Variants in CHN1 observed in about 807,000 individuals in gnomAD.
The protein encoded by CHN1 is N-chimaerin.
A neutral mutation model predicts 59.5 loss-of-function variants in CHN1; 37 were observed. The ratio of observed to expected loss-of-function variants is 0.62; its 90% confidence interval spans 0.48 to 0.82. The LOEUF (loss-of-function observed/expected upper bound fraction) is 0.82, where lower values mean the gene tolerates loss of function less well. CHN1 is among the 40% of genes least tolerant of loss of function. The pLI is 0.00. For missense variants in CHN1, 469 were observed against 571.0 expected, an observed-to-expected ratio of 0.82 and a Z score of 1.82; for synonymous variants, 206 against 200.4, an observed-to-expected ratio of 1.03 and a Z score of -0.24.
intron 1 of CHN1, among the ~76,000 whole-genome samples, chr2:174,961,156 A>AAGGGAGGAAGGGAAGGGAGGGGGGGG (rs1690389089): frequency 8.8e-6 from 1 of 113,748 alleles, no homozygotes; most frequent in African/African-American, 3.4e-5. Context: ...GGAGGGAGGG[A>AAGGGAGGAAGGGAAGGGAGGGGGGGG]GGCAGGGAGG....
chr2:174,945,927 G>GTA (rs66901515), intron 2 of CHN1, among the ~76,000 whole-genome samples: 6,629 of 150,290 alleles, frequency 0.044, 197 homozygotes, highest in African/African-American at 0.081. Context: ...GTGTGTGTGT[G>GTA]TGTGTATATA....
At chr2:175,001,542 G>A (rs1691888682) in intron 1 of CHN1, among the ~76,000 whole-genome samples, 1 of 152,172 alleles carries the variant, frequency 6.6e-6, no homozygotes. Flanking sequence ...CAAAATTATA[G>A]CAAAATCATA....
intron 5 of CHN1, among the ~76,000 whole-genome samples, chr2:174,895,200 A>G (rs1474113064): frequency 5.2e-4 from 74 of 142,304 alleles, no homozygotes; most frequent in East Asian, 4.4e-3. Context: ...GTGTGTGTGT[A>G]TATATATATA....
At chr2:174,963,451 G>T (rs1374551366) in intron 1 of CHN1, among the ~76,000 whole-genome samples, 1 of 152,148 alleles carries the variant, frequency 6.6e-6, no homozygotes, top group Non-Finnish European at 1.5e-5. Flanking sequence ...TTAAAATAAA[G>T]GGGCTGCGAA....
intron 1 of CHN1, among the ~76,000 whole-genome samples, chr2:174,977,585 T>A (rs911038091): frequency 2.0e-5 from 3 of 152,218 alleles, no homozygotes; most frequent in African/African-American, 7.2e-5. Flanking sequence ...GATGACACAA[T>A]CGGATCATGT....
At chr2:174,879,187 C>T (rs1205948341) in intron 5 of CHN1, among the ~76,000 whole-genome samples, 3 of 152,006 alleles carry the variant, frequency 2.0e-5, no homozygotes, top group African/African-American at 4.8e-5. Flanking sequence ...TTAAGTAAAG[C>T]GTTAAATGGG....
intron 12 of CHN1, 40 bp from the exon 13 acceptor site, chr2:174,800,327 G>A (rs956226645): frequency 3.2e-5 from 44 of 1,375,602 alleles, no homozygotes; most frequent in Non-Finnish European, 3.8e-5. Flanking sequence ...CTTTGTGTAA[G>A]CCATATGTTC....
At chr2:174,900,392 T>C (rs975812128) in intron 5 of CHN1, among the ~76,000 whole-genome samples, 2 of 152,154 alleles carry the variant, frequency 1.3e-5, no homozygotes, top group Non-Finnish European at 2.9e-5. Flanking sequence ...TAGGCCTAGC[T>C]ACTTGGGAGG....
chr2:174,958,799 A>G (rs947521879), intron 1 of CHN1, among the ~76,000 whole-genome samples: 4 of 152,228 alleles, frequency 2.6e-5, no homozygotes, highest in Non-Finnish European at 1.5e-5. Flanking sequence ...GGAGACCTTC[A>G]GTAAATAAGA....
chr2:174,804,069 C>G (rs541296745), intron 11 of CHN1, among the ~76,000 whole-genome samples: 3 of 152,238 alleles, frequency 2.0e-5, no homozygotes, highest in African/African-American at 7.2e-5. Flanking sequence ...ATTATAGTTA[C>G]ACTCTATTAG....
intron 11 of CHN1, among the ~76,000 whole-genome samples, chr2:174,805,361 G>A (rs1206750074): frequency 2.6e-5 from 4 of 152,130 alleles, no homozygotes; most frequent in Admixed American, 6.6e-5. Flanking sequence ...ACATCCTACC[G>A]TTCTCAATAT....
chr2:174,972,156 C>A (rs3771918), intron 1 of CHN1, among the ~76,000 whole-genome samples: 44,328 of 152,086 alleles, frequency 0.29, 8,067 homozygotes, highest in Admixed American at 0.44. Context: ...CTTCTCCTTG[C>A]TGCTACTGGT....
chr2:174,893,602 T>C (rs756495680), intron 5 of CHN1, among the ~76,000 whole-genome samples: 35 of 151,718 alleles, frequency 2.3e-4, no homozygotes, highest in Non-Finnish European at 7.4e-5. Flanking sequence ...AAAACCTCCA[T>C]AGAATTTTTG....
At chr2:174,984,400 C>T (rs1324628825) in intron 1 of CHN1, among the ~76,000 whole-genome samples, 7 of 133,794 alleles carry the variant, frequency 5.2e-5, no homozygotes, top group African/African-American at 1.7e-4. Context: ...GATGGAGTCT[C>T]GCTCTGTCAC....
chr2:174,905,323 A>G (rs911932791), intron 5 of CHN1, among the ~76,000 whole-genome samples: 1 of 152,226 alleles, frequency 6.6e-6, no homozygotes, highest in Admixed American at 6.5e-5. Flanking sequence ...CTCTTTATGT[A>G]CAAGTTTCTA....
At chr2:174,876,099 T>C (rs2105331925) in intron 6 of CHN1, among the ~76,000 whole-genome samples, 1 of 152,298 alleles carries the variant, frequency 6.6e-6, no homozygotes, top group African/African-American at 2.4e-5. Context: ...CAGGGAATCA[T>C]GACTCCTGGA....
At chr2:174,921,543 C>T (rs1266668535) in intron 3 of CHN1, among the ~76,000 whole-genome samples, 1 of 151,842 alleles carries the variant, frequency 6.6e-6, no homozygotes, top group Non-Finnish European at 1.5e-5. Flanking sequence ...TTTAACTTTT[C>T]ATTAAAATTA....
At chr2:174,831,199 AAATT>A (rs1442526285) in intron 7 of CHN1, among the ~76,000 whole-genome samples, 2 of 152,228 alleles carry the variant, frequency 1.3e-5, no homozygotes, top group Non-Finnish European at 2.9e-5. Context: ...CAGAAAAAAT[AAATT>A]ATTCTCATAA....
chr2:174,911,219 C>A (rs1363225059), intron 5 of CHN1, among the ~76,000 whole-genome samples: 1 of 152,098 alleles, frequency 6.6e-6, no homozygotes, highest in African/African-American at 2.4e-5. Flanking sequence ...TAAAACATAT[C>A]TTTTAAATAA....
Sources: allele counts gnomAD v4.1 joint callset (sites outside exome capture counted in the v4.1 genomes callset), GRCh38; gene constraint gnomAD v4.1.1; transcripts MANE v1.5; gene names NCBI Gene and HGNC (gene_info 2026-07-23, HGNC 2026-07-21).